Variants in ZNF2 observed in about 807,000 individuals in gnomAD.
ZNF2 encodes zinc finger protein 2.2.
A neutral mutation model predicts 21.9 loss-of-function variants in ZNF2; 12 were observed. The observed-to-expected ratio is 0.55, with a 90% CI of 0.35 to 0.89. The LOEUF (loss-of-function observed/expected upper bound fraction) is 0.89, where lower values mean the gene tolerates loss of function less well. ZNF2 is among the 40% of genes least tolerant of loss of function. The pLI is 0.01. For missense variants in ZNF2, 462 were observed against 544.2 expected (o/e 0.85, Z 1.50); for synonymous variants, 186 against 196.3 (o/e 0.95, Z 0.44).
chr2:95,168,301 T>C (rs1674154101), intron 1 of ZNF2, among the ~76,000 whole-genome samples: 1 of 152,042 alleles, frequency 6.6e-6, no homozygotes, highest in Admixed American at 6.5e-5. Context: ...GGCCCGCGCC[T>C]GTAGTCCCAG....
chr2:95,182,230 C>T lies in ZNF2; in HGVS notation c.*124C>T, dbSNP rs534822739. 1.1e-4 allele frequency: 139 copies of T among 1,250,270 alleles called. No individual in the cohort carries two copies. The highest frequency in any genetic ancestry group is 1.4e-4 in the Non-Finnish European group (126 of 912,278). 77.4% of individuals were successfully genotyped at this position (1,250,270 alleles called of 1,614,324 possible). ...CTGCCGTTGTCCTGTCCTGCTTCTG[C>T]GCCAGAGTGTTTAATAAGCACTCCC... On this transcript the variant is annotated 3_prime_UTR_variant, in exon 5 of 5. Coordinates refer to ENST00000614034, the MANE Select transcript of ZNF2 (RefSeq NM_021088.4).
Position 95,180,161 on chromosome 2 carries a change from C to G in ZNF2, c.163C>G (p.Leu55Val). The change falls in exon 4 of 5, where the codon CTT (leucine) becomes GTT (valine). Residue 55 changes from leucine to valine, a missense_variant and splice_region_variant. Coordinates refer to ENST00000614034, the MANE Select transcript of ZNF2 (RefSeq NM_021088.4). The stretch of plus-strand genomic sequence containing the variant: ...TTTGTTTCTTTCTCTTTGAGCAGGC[C>G]TTCCAGTTCCTCAACCTGATGTGAT... ...ENYNSIVSLG[L>V]PVPQPDVIFQ... 1 of 1,611,212 alleles carries G rather than the reference C, an allele frequency of 6.2e-7. No homozygotes were observed. The highest frequency in any genetic ancestry group is 8.5e-7 in the Non-Finnish European group (1 of 1,177,518).
At position 95,171,536 on chromosome 2, in the gene ZNF2, C is replaced by T. The variant is rs557432956; in HGVS notation, c.-39-4652C>T. ...TAGCTGGGATTACAGGTGCCTGCCA[C>T]GGTGCCTGGCTAATTTTTGTATTTT... On this transcript the variant is annotated intron_variant, in intron 1 of 4. Coordinates refer to ENST00000614034, the MANE Select transcript of ZNF2 (RefSeq NM_021088.4). 1.3e-3 allele frequency among the ~76,000 whole-genome samples: 202 copies of T among 152,112 alleles called. 1 individual carries two copies. In the Middle Eastern group the frequency reaches 0.041, roughly 31 times the overall value.
intron 2 of ZNF2, among the ~76,000 whole-genome samples, chr2:95,176,891 T>C (rs529318658): frequency 8.4e-4 from 123 of 146,022 alleles, no homozygotes; most frequent in Admixed American, 1.8e-3. Context: ...ACAGATGATC[T>C]AATCAACACC....
chr2:95,182,344 A>G lies in ZNF2; in HGVS notation c.*238A>G, dbSNP rs1674705975. The stretch of plus-strand genomic sequence containing the variant: ...GAAGAGGTTTGTCAGACAATAGGAT[A>G]GATGTTAGGAGGAGACACACCTCTT... On this transcript the variant is annotated 3_prime_UTR_variant, in exon 5 of 5. Coordinates refer to ENST00000614034, the MANE Select transcript of ZNF2 (RefSeq NM_021088.4). The G allele has an allele frequency of 6.4e-6, 3 of 471,040 alleles. No homozygotes were observed. Among genetic ancestry groups the G allele is most frequent in the Admixed American group, 3.9e-5 (1 of 25,816 alleles). The allele number at this position is 471,040 out of a possible 1,614,324, so 29.2% of individuals were successfully genotyped here. A position where few individuals can be genotyped will look rare whatever the true frequency, so the allele number is the denominator to read the frequency against.
chr2:95,172,055 C>G (rs1445987836), intron 1 of ZNF2, among the ~76,000 whole-genome samples: 1 of 152,128 alleles, frequency 6.6e-6, no homozygotes, highest in Non-Finnish European at 1.5e-5. Context: ...ATGTGGGTGT[C>G]ACATGGAGCA....
At chr2:95,170,428 A>G (rs1396237347) in intron 1 of ZNF2, among the ~76,000 whole-genome samples, 1 of 152,096 alleles carries the variant, frequency 6.6e-6, no homozygotes, top group Non-Finnish European at 1.5e-5. Context: ...TTCTTTTAAA[A>G]TTTTGCTTGG....
intron 1 of ZNF2, among the ~76,000 whole-genome samples, chr2:95,173,203 T>C (rs1674339930): frequency 1.3e-5 from 2 of 152,022 alleles, no homozygotes; most frequent in South Asian, 4.1e-4. Flanking sequence ...TTGTAATTTA[T>C]CTCTGTTAAC....
At position 95,183,968 on chromosome 2, in the gene ZNF2, G is replaced by C. The variant is rs1217168935; in HGVS notation, c.*1862G>C. 1 of 152,058 alleles carries C rather than the reference G, an allele frequency of 6.6e-6. No homozygotes were observed. Among genetic ancestry groups the C allele is most frequent in the African/African-American group, 2.4e-5 (1 of 41,406 alleles). 9.4% of individuals were successfully genotyped at this position (152,058 alleles called of 1,614,324 possible). ...TAGGCACTAGATGACCTTGACTCTA[G>C]GCATCTGCATTCTCTTGATCTTTGC... On this transcript the variant is annotated 3_prime_UTR_variant, in exon 5 of 5. Transcript: ENST00000614034.
intron 4 of ZNF2, 44 bp from the exon 5 acceptor site, chr2:95,181,059 C>T (rs1674621589): frequency 1.3e-6 from 2 of 1,588,576 alleles, no homozygotes; most frequent in East Asian, 2.2e-5. Context: ...TGTAATATTT[C>T]CTAGCCCAGG....
In ZNF2 at chr2:95,182,187, T is replaced by C; in HGVS notation, c.*81T>C. 1 of 1,505,408 alleles carries C rather than the reference T, an allele frequency of 6.6e-7. No individual in the cohort carries two copies. Among genetic ancestry groups the C allele is most frequent in the Admixed American group, 2.1e-5 (1 of 47,156 alleles). The allele number at this position is 1,505,408 out of a possible 1,614,324, so 93.3% of individuals were successfully genotyped here. A position where few individuals can be genotyped will look rare whatever the true frequency, so the allele number is the denominator to read the frequency against. On this transcript the variant is annotated 3_prime_UTR_variant, in exon 5 of 5. Coordinates refer to ENST00000614034, the MANE Select transcript of ZNF2 (RefSeq NM_021088.4). Reference sequence around the variant, plus strand: ...CGCCTGTCTTAAAGCTGCCATTTGCTCATTCTACCCACTCTGGCTGCCGTT... The same window carrying C: ...CGCCTGTCTTAAAGCTGCCATTTGCCCATTCTACCCACTCTGGCTGCCGTT...
chr2:95,168,523 A>T (rs1196608120), intron 1 of ZNF2, among the ~76,000 whole-genome samples: 7 of 152,214 alleles, frequency 4.6e-5, no homozygotes, highest in African/African-American at 1.7e-4. Context: ...ACAAAGGTAA[A>T]GTCCTGGAGA....
rs1340199724 is a variant in ZNF2 at position 95,184,291 on chromosome 2, T to G, written c.*2185T>G. The G allele has an allele frequency of 2.0e-5, 3 of 152,208 alleles. No individual in the cohort carries two copies. The highest frequency in any genetic ancestry group is 4.4e-5 in the Non-Finnish European group (3 of 68,040). 9.4% of individuals were successfully genotyped at this position (152,208 alleles called of 1,614,324 possible). ...TGTGATATTGCTAAATAATGTCAAG[T>G]AGGAAATAAAAGAGACTATTGACAA... On this transcript the variant is annotated 3_prime_UTR_variant, in exon 5 of 5. Coordinates refer to ENST00000614034, the MANE Select transcript of ZNF2 (RefSeq NM_021088.4).
Position 95,182,230 on chromosome 2 carries a change from C to A in ZNF2, c.*124C>A. Reference sequence around the variant, plus strand: ...CTGCCGTTGTCCTGTCCTGCTTCTGCGCCAGAGTGTTTAATAAGCACTCCC... The same window carrying A: ...CTGCCGTTGTCCTGTCCTGCTTCTGAGCCAGAGTGTTTAATAAGCACTCCC... On this transcript the variant is annotated 3_prime_UTR_variant, in exon 5 of 5. Transcript: ENST00000614034. The A allele has an allele frequency of 8.0e-7, 1 of 1,250,268 alleles. No individual in the cohort carries two copies. Among genetic ancestry groups the A allele is most frequent in the Non-Finnish European group, 1.1e-6 (1 of 912,276 alleles). The allele number at this position is 1,250,268 out of a possible 1,614,324, so 77.4% of individuals were successfully genotyped here.
At chr2:95,169,894 T>C (rs1674215055) in intron 1 of ZNF2, among the ~76,000 whole-genome samples, 1 of 152,246 alleles carries the variant, frequency 6.6e-6, no homozygotes, top group African/African-American at 2.4e-5. Context: ...GTGTTACATG[T>C]GTTACCCTAT....
In ZNF2 at chr2:95,182,229, G is replaced by T; in HGVS notation, c.*123G>T. On this transcript the variant is annotated 3_prime_UTR_variant, in exon 5 of 5. Coordinates refer to ENST00000614034, the MANE Select transcript of ZNF2 (RefSeq NM_021088.4). ...GCTGCCGTTGTCCTGTCCTGCTTCT[G>T]CGCCAGAGTGTTTAATAAGCACTCC... 8.0e-7 allele frequency: 1 copy of T among 1,256,100 alleles called. No homozygotes were observed. The highest frequency in any genetic ancestry group is 1.1e-6 in the Non-Finnish European group (1 of 917,312). 77.8% of individuals were successfully genotyped at this position (1,256,100 alleles called of 1,614,324 possible). A position where few individuals can be genotyped will look rare whatever the true frequency, so the allele number is the denominator to read the frequency against.
chr2:95,177,573 G>A lies in ZNF2; in HGVS notation c.124G>A (p.Val42Met). The change falls in exon 3 of 5, where the codon GTG becomes ATG. Residue 42 changes from valine to methionine, a missense_variant. Transcript: ENST00000614034. Reference protein sequence around the residue: ...VPIQRDLYKEVMLENYNSIVS... With the variant: ...VPIQRDLYKEMMLENYNSIVS... The stretch of plus-strand genomic sequence containing the variant: ...CATACAGAGGGACCTCTACAAGGAG[G>A]TGATGCTGGAGAACTATAACAGCAT... 6.2e-7 allele frequency: 1 copy of A among 1,614,068 alleles called. No individual in the cohort carries two copies. The highest frequency in any genetic ancestry group is 8.5e-7 in the Non-Finnish European group (1 of 1,179,984).
intron 1 of ZNF2, among the ~76,000 whole-genome samples, chr2:95,167,127 G>A (rs1674087792): frequency 6.6e-6 from 1 of 152,142 alleles, no homozygotes. Context: ...GTGGTTGGAA[G>A]AAAAGCTAGT....
intron 1 of ZNF2, among the ~76,000 whole-genome samples, chr2:95,173,954 A>G (rs1456472484): frequency 2.6e-5 from 4 of 152,272 alleles, no homozygotes; most frequent in African/African-American, 2.4e-5. Context: ...CATGATCCGC[A>G]TGTCTTGGCC....
Sources: allele counts gnomAD v4.1 joint callset (sites outside exome capture counted in the v4.1 genomes callset), GRCh38; gene constraint gnomAD v4.1.1; transcripts MANE v1.5; gene names NCBI Gene and HGNC (gene_info 2026-07-23, HGNC 2026-07-21).